SUFU: variants seen among roughly 807,000 people sequenced by gnomAD.
The protein encoded by SUFU is suppressor of fused homolog.
SUFU carries 7 observed loss-of-function variants against 58.9 expected under a neutral mutation model. The observed-to-expected ratio is 0.12, with a 90% confidence interval of 0.07 to 0.22. The LOEUF (loss-of-function observed/expected upper bound fraction) is 0.22. Among genes scored for constraint, SUFU ranks in the 10% least tolerant of loss-of-function variants. SUFU has a pLI of 1.00. For missense variants in SUFU, 451 were observed against 641.3 expected (o/e 0.70, Z 3.20); for synonymous variants, 232 against 254.8 (o/e 0.91, Z 0.85).
intron 7 of SUFU, 88 bp from the exon 8 acceptor site, chr10:102,599,345 G>A: frequency 9.9e-7 from 1 of 1,010,466 alleles, no homozygotes; most frequent in Non-Finnish European, 1.6e-6. Context: ...GTTTTTCTTA[G>A]CACCTCTGCT....
intron 3 of SUFU, among the ~76,000 whole-genome samples, chr10:102,573,859 T>TAG (rs1675139014): frequency 1.3e-5 from 2 of 152,284 alleles, no homozygotes; most frequent in South Asian, 4.1e-4. Flanking sequence ...GTTTACTGTA[T>TAG]AGAGTTTCAG....
intron 2 of SUFU, among the ~76,000 whole-genome samples, chr10:102,535,731 C>T (rs186743299): frequency 2.0e-5 from 3 of 152,200 alleles, no homozygotes; most frequent in African/African-American, 7.2e-5. Context: ...GCCTGGCATT[C>T]CTTGCTTCAA....
chr10:102,620,515 G>A (rs1425726691), intron 10 of SUFU, among the ~76,000 whole-genome samples: 2 of 152,202 alleles, frequency 1.3e-5, no homozygotes, highest in Non-Finnish European at 2.9e-5. Flanking sequence ...CTGCTTTATG[G>A]AGGATCTGGG....
chr10:102,606,016 A>G (rs983904305), intron 8 of SUFU, among the ~76,000 whole-genome samples: 8 of 152,322 alleles, frequency 5.3e-5, no homozygotes, highest in Non-Finnish European at 5.9e-5. Context: ...CCACTGACTG[A>G]ATGGGACCAA....
At chr10:102,614,895 A>AG (rs2063668967) in intron 8 of SUFU, among the ~76,000 whole-genome samples, 1 of 147,820 alleles carries the variant, frequency 6.8e-6, no homozygotes, top group Non-Finnish European at 1.5e-5. Context: ...AAAAAAAAAA[A>AG]TAGAATGTTG....
At chr10:102,513,945 C>T (rs1407481278) in intron 2 of SUFU, among the ~76,000 whole-genome samples, 1 of 152,018 alleles carries the variant, frequency 6.6e-6, no homozygotes, top group Admixed American at 6.6e-5. Flanking sequence ...AGGGCAGTGG[C>T]GAGGTCACGG....
chr10:102,627,526 G>T (rs1354655755), intron 11 of SUFU, among the ~76,000 whole-genome samples: 13 of 152,250 alleles, frequency 8.5e-5, no homozygotes. Flanking sequence ...GCCAGCTCCT[G>T]AGAGCCTCAT....
At chr10:102,521,670 A>T (rs148908987) in intron 2 of SUFU, among the ~76,000 whole-genome samples, 21 of 152,262 alleles carry the variant, frequency 1.4e-4, no homozygotes, top group African/African-American at 4.8e-4. Flanking sequence ...ATTGGGCTTA[A>T]CCTTGCCTTT....
intron 2 of SUFU, among the ~76,000 whole-genome samples, chr10:102,548,695 C>T (rs753638875): frequency 5.9e-5 from 9 of 152,168 alleles, no homozygotes; most frequent in Non-Finnish European, 1.3e-4. Flanking sequence ...GCTTCCCTTA[C>T]CTGGGGAGGT....
intron 2 of SUFU, among the ~76,000 whole-genome samples, chr10:102,518,787 TC>T (rs1018608874): frequency 4.0e-5 from 6 of 151,626 alleles, no homozygotes; most frequent in Non-Finnish European, 7.4e-5. Context: ...GCTCAAGCCA[TC>T]CCAAAGTGCT....
At position 102,618,931 on chromosome 10, in the gene SUFU, C is replaced by CGTGCGTGT. The variant is rs1554854954; in HGVS notation, c.1296+1506_1296+1507insCGTGTGTG. 1.5e-4 allele frequency: 89 copies of CGTGCGTGT among 575,444 alleles called. No individual in the cohort carries two copies. The African/African-American group carries it at 1.9e-3, about 12-fold the overall frequency. The allele number at this position is 575,444 out of a possible 1,614,324, so 35.6% of individuals were successfully genotyped here. A position where few individuals can be genotyped will look rare whatever the true frequency, so the allele number is the denominator to read the frequency against. Reference sequence around the variant, plus strand: ...ATCATTCCCAAGTGTCCTCAGGTAGCGTGTGTGTGTGTGTGTGTGTGTGTG... The same window carrying CGTGCGTGT: ...ATCATTCCCAAGTGTCCTCAGGTAGCGTGCGTGTGTGTGTGTGTGTGTGTGTGTGTGTG... On this transcript the variant is annotated intron_variant, in intron 10 of 11. Transcript: ENST00000369902.
intron 2 of SUFU, among the ~76,000 whole-genome samples, chr10:102,532,199 C>CAGAG (rs1264849681): frequency 2.0e-5 from 3 of 152,184 alleles, no homozygotes; most frequent in Admixed American, 2.0e-4. Context: ...AACTCCTGAC[C>CAGAG]CTCTAGTGAT....
chr10:102,504,469 C>T (rs2135599527), intron 1 of SUFU, 135 bp downstream of exon 1: 1 of 1,499,636 alleles, frequency 6.7e-7, no homozygotes. Context: ...CTTCTTGCTG[C>T]GAGGGAAGGA....
chr10:102,595,992 C>T (rs1445519635), intron 6 of SUFU, among the ~76,000 whole-genome samples: 1 of 152,168 alleles, frequency 6.6e-6, no homozygotes, highest in Non-Finnish European at 1.5e-5. Flanking sequence ...TCAGACTATC[C>T]CCTGAGCACA....
chr10:102,586,253 A>G (rs1352238114), intron 3 of SUFU, among the ~76,000 whole-genome samples: 1 of 152,190 alleles, frequency 6.6e-6, no homozygotes, highest in African/African-American at 2.4e-5. Context: ...TGAATTATTT[A>G]TCTTTTATTA....
At chr10:102,553,609 G>A (rs1013084324) in intron 3 of SUFU, among the ~76,000 whole-genome samples, 34 of 152,148 alleles carry the variant, frequency 2.2e-4, no homozygotes, top group African/African-American at 7.0e-4. Flanking sequence ...GACTACAGGC[G>A]CCCGCCACCG....
At chr10:102,522,372 T>C (rs2062560874) in intron 2 of SUFU, among the ~76,000 whole-genome samples, 1 of 152,196 alleles carries the variant, frequency 6.6e-6, no homozygotes, top group Non-Finnish European at 1.5e-5. Flanking sequence ...CTTTTATTGT[T>C]ATTTTCCCCT....
rs1024675941 is a variant in SUFU, at chr10:102,629,950, C to G, written c.1366-116C>G. On this transcript the variant is annotated intron_variant, in intron 11 of 11. Transcript: ENST00000369902. This position sits in a 1 kb window ranked among gnomAD's most constrained non-coding sequence, Gnocchi z 4.7. ...AGCATTTGAGAATGAAGCCACGCCT[C>G]CCGCGGCCTGTCCTATCCCTAGCTC... is the stretch of plus-strand genomic sequence containing the variant. 2.5e-5 allele frequency: 24 copies of G among 956,922 alleles called. No individual in the cohort carries two copies. The Middle Eastern group carries it at 6.5e-4, about 26-fold the overall frequency. The allele number at this position is 956,922 out of a possible 1,614,324, so 59.3% of individuals were successfully genotyped here. A position where few individuals can be genotyped will look rare whatever the true frequency, so the allele number is the denominator to read the frequency against.
intron 2 of SUFU, among the ~76,000 whole-genome samples, chr10:102,544,782 C>T (rs1485376612): frequency 1.3e-5 from 2 of 152,182 alleles, no homozygotes; most frequent in African/African-American, 2.4e-5. Flanking sequence ...ATTCTGTCCT[C>T]ACCCTAGTTT....
Sources: gnomAD v4.1 joint callset for allele counts (sites outside exome capture counted in the v4.1 genomes callset) on GRCh38, gnomAD v4.1.1 for gene constraint, Gnocchi (gnomAD v3.1) non-coding constraint, MANE v1.5 for transcripts, NCBI Gene and HGNC (gene_info 2026-07-23, HGNC 2026-07-21) for gene names.